Variants in CMTM8 observed in about 807,000 individuals in gnomAD.
CMTM8 encodes CKLF like MARVEL transmembrane domain containing 8.
In CMTM8, 12 loss-of-function variants were observed where a neutral mutation model predicts 18.6. That is an observed-to-expected ratio of 0.65 (90% confidence interval 0.41 to 1.05). The LOEUF (loss-of-function observed/expected upper bound fraction) is 1.05, where lower values mean the gene tolerates loss of function less well. CMTM8 is among the 50% of genes least tolerant of loss of function. CMTM8 has a pLI of 0.00. For synonymous variants in CMTM8, 87 were observed against 90.6 expected (o/e 0.96, Z 0.23); for missense variants, 217 against 227.2 (o/e 0.95, Z 0.29).
At chr3:32,310,769 A>G (rs1695804427) in intron 1 of CMTM8, among the ~76,000 whole-genome samples, 1 of 152,238 alleles carries the variant, frequency 6.6e-6, no homozygotes, top group East Asian at 1.9e-4. Flanking sequence ...AGGTTATACA[A>G]GTATAAAGAA....
chr3:32,289,734 T>C (rs1200995044), intron 1 of CMTM8, among the ~76,000 whole-genome samples: 2 of 152,314 alleles, frequency 1.3e-5, no homozygotes, highest in South Asian at 2.1e-4. Context: ...AAGCTTTCTT[T>C]TATAAAATCA....
rs1696863250 is a variant in CMTM8 at position 32,358,636 on chromosome 3, GT to G, written c.321+1091del. Among the ~76,000 whole-genome samples the G allele has an allele frequency of 6.6e-6, 1 of 152,160 alleles. No homozygotes were observed. Among genetic ancestry groups the G allele is most frequent in the Non-Finnish European group, 1.5e-5 (1 of 68,020 alleles). On this transcript the variant is annotated intron_variant, in intron 2 of 3. Transcript: ENST00000307526. This position sits in a 1 kb window ranked among gnomAD's most constrained non-coding sequence, Gnocchi z 4.1. Reference sequence around the variant, plus strand: ...TGTTCTTTCTGTGTTGCTAAGCTAAGTCCCCCAGGAAAACAAGTCTTACTTT... The same window carrying G: ...TGTTCTTTCTGTGTTGCTAAGCTAAGCCCCCAGGAAAACAAGTCTTACTTT...
chr3:32,318,264 TC>T (rs1418889447), intron 1 of CMTM8, among the ~76,000 whole-genome samples: 1 of 152,110 alleles, frequency 6.6e-6, no homozygotes, highest in Non-Finnish European at 1.5e-5. Flanking sequence ...AAAGGGTGAT[TC>T]CAGGGACAAA....
intron 1 of CMTM8, among the ~76,000 whole-genome samples, chr3:32,265,752 T>C (rs1702331142): frequency 6.6e-6 from 1 of 151,854 alleles, no homozygotes; most frequent in Non-Finnish European, 1.5e-5. Flanking sequence ...ATAGACGCAA[T>C]AAAAAATGAT....
At chr3:32,244,169 T>G (rs1006318455) in intron 1 of CMTM8, among the ~76,000 whole-genome samples, 2 of 152,172 alleles carry the variant, frequency 1.3e-5, no homozygotes, top group Non-Finnish European at 2.9e-5. Context: ...GCACTTGCCC[T>G]GCACACCAAC....
At chr3:32,269,993 C>G (rs1471381856) in intron 1 of CMTM8, among the ~76,000 whole-genome samples, 1 of 151,798 alleles carries the variant, frequency 6.6e-6, no homozygotes, top group Non-Finnish European at 1.5e-5. Flanking sequence ...AGGCTGGTCT[C>G]AAACTCCTAT....
At position 32,332,475 on chromosome 3, in the gene CMTM8, G is replaced by A. The variant is rs2125584621; in HGVS notation, c.148-24898G>A. ...GGCAGAGAGGAGTCAGGAGGTGAGG[G>A]GTGGGGAGCTTGGAGAAGGGCACAG... On this transcript the variant is annotated intron_variant, in intron 1 of 3. Transcript: ENST00000307526. 3.3e-5 allele frequency among the ~76,000 whole-genome samples: 5 copies of A among 152,268 alleles called. No homozygotes were observed. In the Middle Eastern group the frequency reaches 0.017, roughly 518 times the overall value.
At chr3:32,249,260 T>G (rs1702083992) in intron 1 of CMTM8, among the ~76,000 whole-genome samples, 1 of 151,550 alleles carries the variant, frequency 6.6e-6, no homozygotes, top group Non-Finnish European at 1.5e-5. Context: ...GGAACCCCAT[T>G]TCTACAAAAA....
intron 1 of CMTM8, among the ~76,000 whole-genome samples, chr3:32,284,279 T>A (rs1268495403): frequency 6.6e-6 from 1 of 152,054 alleles, no homozygotes; most frequent in South Asian, 2.1e-4. Flanking sequence ...AACAAAAAAA[T>A]ATATACACTT....
chr3:32,336,073 T>C (rs1414013945), intron 1 of CMTM8, among the ~76,000 whole-genome samples: 2 of 152,236 alleles, frequency 1.3e-5, no homozygotes, highest in Non-Finnish European at 2.9e-5. Context: ...GCGTCTTTGG[T>C]GGAGGCAAGC....
intron 1 of CMTM8, among the ~76,000 whole-genome samples, chr3:32,349,756 C>G (rs531013708): frequency 5.3e-5 from 8 of 152,176 alleles, no homozygotes; most frequent in Admixed American, 4.6e-4. Context: ...ACCTGTAATC[C>G]CAGCACTTTA....
At chr3:32,250,976 C>T (rs138866339) in intron 1 of CMTM8, among the ~76,000 whole-genome samples, 1 of 152,098 alleles carries the variant, frequency 6.6e-6, no homozygotes, top group African/African-American at 2.4e-5. Context: ...TTTTGTGGTT[C>T]GACATATGTT....
chr3:32,333,818 A>G (rs942644306), intron 1 of CMTM8, among the ~76,000 whole-genome samples: 2 of 152,114 alleles, frequency 1.3e-5, no homozygotes, highest in African/African-American at 4.8e-5. Flanking sequence ...CTAAACCCAT[A>G]GAATGCCTAC....
At chr3:32,361,289 T>TGTTTTTTTTTG (rs1553608175) in intron 2 of CMTM8, among the ~76,000 whole-genome samples, 1 of 143,646 alleles carries the variant, frequency 7.0e-6, no homozygotes, top group Admixed American at 6.9e-5. Flanking sequence ...CCTAAGAGTT[T>TGTTTTTTTTTG]TTTTTTCTTT....
chr3:32,361,201 A>T (rs541661994), intron 2 of CMTM8, among the ~76,000 whole-genome samples: 155 of 151,648 alleles, frequency 1.0e-3, no homozygotes, highest in Middle Eastern at 0.01. Context: ...GGCTGGTCTC[A>T]AACTCCCCAA....
chr3:32,326,005 G>A (rs904280725), intron 1 of CMTM8, among the ~76,000 whole-genome samples: 1 of 152,184 alleles, frequency 6.6e-6, no homozygotes, highest in South Asian at 2.1e-4. Flanking sequence ...GCCAGCTCAG[G>A]ATGACTGGCA....
chr3:32,298,922 C>T (rs1307135160), intron 1 of CMTM8, among the ~76,000 whole-genome samples: 3 of 139,176 alleles, frequency 2.2e-5, no homozygotes, highest in East Asian at 2.0e-4. Flanking sequence ...CATACACACA[C>T]ACATATATAT....
intron 1 of CMTM8, among the ~76,000 whole-genome samples, chr3:32,295,807 G>A (rs1046256590): frequency 2.0e-5 from 3 of 152,116 alleles, no homozygotes; most frequent in Admixed American, 6.5e-5. Context: ...GGCCCTGTGT[G>A]ATCCGGGGCC....
intron 1 of CMTM8, among the ~76,000 whole-genome samples, chr3:32,246,049 C>T (rs1413173939): frequency 6.6e-6 from 1 of 152,216 alleles, no homozygotes; most frequent in East Asian, 1.9e-4. Flanking sequence ...AACTCCTGGC[C>T]TCAGGTGATC....
Sources: gnomAD v4.1 joint callset for allele counts (sites outside exome capture counted in the v4.1 genomes callset) on GRCh38, gnomAD v4.1.1 for gene constraint, Gnocchi (gnomAD v3.1) non-coding constraint, MANE v1.5 for transcripts, NCBI Gene and HGNC (gene_info 2026-07-23, HGNC 2026-07-21) for gene names.